UBR1: variants seen among roughly 807,000 people sequenced by gnomAD.
The protein encoded by UBR1 is ubiquitin protein ligase E3 component n-recognin 1.
A neutral mutation model predicts 242.1 loss-of-function variants in UBR1; 102 were observed. The ratio of observed to expected loss-of-function variants is 0.42; its 90% CI spans 0.36 to 0.50. UBR1 has a LOEUF of 0.50. Ranked by LOEUF, UBR1 falls within the 20% of genes least tolerant of loss-of-function variation. The pLI is 0.01. For missense variants in UBR1, 1,772 were observed against 2,101.8 expected (o/e 0.84, Z 3.07); for synonymous variants, 675 against 684.8 (o/e 0.99, Z 0.22).
At chr15:43,011,840 T>C in intron 29 of UBR1, 1 of 428,526 alleles carries the variant, frequency 2.3e-6, no homozygotes, top group South Asian at 1.7e-5. Flanking sequence ...AAGGAAAAAT[T>C]AGAAGCAACC....
chr15:43,029,278 A>G (rs765871519), intron 21 of UBR1, among the ~76,000 whole-genome samples: 1 of 152,226 alleles, frequency 6.6e-6, no homozygotes, highest in Non-Finnish European at 1.5e-5. Context: ...TTACCACAGT[A>G]TCTGTATATA....
At chr15:43,037,364 A>G (rs936163220) in intron 17 of UBR1, among the ~76,000 whole-genome samples, 5 of 151,458 alleles carry the variant, frequency 3.3e-5, no homozygotes, top group Admixed American at 2.0e-4. Flanking sequence ...AAAAAAAAAG[A>G]AAAAGGAAAA....
intron 25 of UBR1, 100 bp from the exon 26 acceptor site, chr15:43,022,901 C>T (rs1663560906): frequency 1.4e-6 from 1 of 725,514 alleles, no homozygotes; most frequent in Non-Finnish European, 2.2e-6. Flanking sequence ...CTCACTCTGT[C>T]ACCCAGGTTG....
intron 33 of UBR1, among the ~76,000 whole-genome samples, chr15:42,994,787 A>C (rs1293097946): frequency 6.6e-6 from 1 of 152,184 alleles, no homozygotes; most frequent in East Asian, 1.9e-4. Flanking sequence ...GCTTACTATT[A>C]ATACCACCAC....
intron 6 of UBR1, among the ~76,000 whole-genome samples, chr15:43,065,040 G>GA (rs1196431849): frequency 2.6e-5 from 4 of 152,162 alleles, no homozygotes; most frequent in Admixed American, 6.5e-5. Context: ...TAATTGTTGT[G>GA]AAAATCTAAC....
intron 29 of UBR1, among the ~76,000 whole-genome samples, chr15:43,008,184 G>A (rs536438627): frequency 4.6e-5 from 7 of 152,254 alleles, no homozygotes; most frequent in African/African-American, 1.4e-4. Flanking sequence ...CTGGGGCAAC[G>A]TGCTCCATGT....
rs552698480 is a variant in UBR1 at position 42,988,864 on chromosome 15, G to T, written c.3952C>A (p.Pro1318Thr). Residue 1318 changes from proline to threonine, a missense_variant, in exon 35 of 47, where the codon CCC (proline) becomes ACC (threonine). Transcript: ENST00000290650. Reference protein sequence around the residue: ...VPPDERDPRVPMLTWSTCAFT... With the variant: ...VPPDERDPRVTMLTWSTCAFT... ...GCGCAGGTGCTCCAGGTCAGCATGG[G>T]GACTCGAGGATCCCTTTCATCAGGT... is the stretch of plus-strand genomic sequence containing the variant. 1 of 1,614,094 alleles carries T rather than the reference G, an allele frequency of 6.2e-7. No individual in the cohort carries two copies. The highest frequency in any genetic ancestry group is 1.1e-5 in the South Asian group (1 of 91,074).
intron 1 of UBR1, among the ~76,000 whole-genome samples, chr15:43,099,879 TC>T (rs1287086462): frequency 2.0e-5 from 3 of 148,158 alleles, no homozygotes; most frequent in Admixed American, 1.3e-4. Flanking sequence ...AAGAGGTGCC[TC>T]TTTTTTTTTT....
At chr15:42,947,700 T>C (rs939040377) in intron 46 of UBR1, among the ~76,000 whole-genome samples, 2 of 152,106 alleles carry the variant, frequency 1.3e-5, no homozygotes, top group African/African-American at 2.4e-5. Flanking sequence ...TCAAAGAGAA[T>C]AAAATACTTA....
chr15:43,102,831 T>C (rs537043853), intron 1 of UBR1, among the ~76,000 whole-genome samples: 1 of 152,304 alleles, frequency 6.6e-6, no homozygotes, highest in South Asian at 2.1e-4. Flanking sequence ...CACTCTCTTT[T>C]CCTCTGTGTG....
At position 43,030,088 on chromosome 15, in the gene UBR1, AC is replaced by A; in HGVS notation, c.2255-21del. The A allele has an allele frequency of 6.2e-7, 1 of 1,612,116 alleles. No individual in the cohort carries two copies. The highest frequency in any genetic ancestry group is 8.5e-7 in the Non-Finnish European group (1 of 1,179,014). On this transcript the variant is annotated intron_variant, in intron 20 of 46. Transcript: ENST00000290650. The stretch of plus-strand genomic sequence containing the variant: ...GCTCACCTAGTTCAAATAATTAAAA[AC>A]AAAAAAAAAGTAGAATAATTATTTT...
Position 43,002,740 on chromosome 15 carries a change from TAC to T in UBR1, c.3510-38_3510-37del, listed in dbSNP as rs764612418. On this transcript the variant is annotated intron_variant, in intron 31 of 46. Coordinates refer to ENST00000290650, the MANE Select transcript of UBR1 (RefSeq NM_174916.3). ...ACAAAGACACAGGCCCATTCAGAAC[TAC>T]ACATGCATCTCTACATGTGTATCTC... 5.6e-6 allele frequency: 9 copies of T among 1,613,832 alleles called. No individual in the cohort carries two copies. In the African/African-American group the frequency reaches 1.2e-4, roughly 22 times the overall value.
intron 15 of UBR1, 125 bp downstream of exon 15, chr15:43,043,090 G>T (rs1454237535): frequency 2.0e-6 from 2 of 1,018,836 alleles, no homozygotes; most frequent in Non-Finnish European, 3.0e-6. Flanking sequence ...GCCCTTAACT[G>T]CAGTATCTGA....
intron 29 of UBR1, among the ~76,000 whole-genome samples, chr15:43,014,930 G>A (rs1295713049): frequency 5.4e-5 from 8 of 146,968 alleles, no homozygotes; most frequent in Admixed American, 4.7e-4. Context: ...AGGGAGGTGT[G>A]GGTCAGCCCC....
intron 37 of UBR1, among the ~76,000 whole-genome samples, chr15:42,978,737 T>C (rs566106640): frequency 3.8e-4 from 58 of 151,432 alleles, no homozygotes; most frequent in Admixed American, 8.5e-4. Flanking sequence ...CTTTTCTTTT[T>C]TTTTTTTTTT....
In UBR1 at chr15:43,024,824, C is replaced by A. The variant is rs752491531; in HGVS notation, c.2739+5G>T. 6.2e-7 allele frequency: 1 copy of A among 1,614,140 alleles called. No individual in the cohort carries two copies. The highest frequency in any genetic ancestry group is 8.5e-7 in the Non-Finnish European group (1 of 1,180,002). On this transcript the variant is annotated splice_donor_5th_base_variant and intron_variant, in intron 25 of 46. Coordinates refer to ENST00000290650, the MANE Select transcript of UBR1 (RefSeq NM_174916.3). The stretch of plus-strand genomic sequence containing the variant: ...ATGTAGAGAAAATATTTCAGGTAAA[C>A]AAACCATTTGGAGCATCCCTTCGGT...
chr15:42,950,679 G>T, intron 45 of UBR1: 1 of 356,088 alleles, frequency 2.8e-6, no homozygotes, highest in South Asian at 2.7e-5. Context: ...GGCTGGGGTT[G>T]TTTCTATTCT....
At chr15:43,085,937 AAG>A in intron 2 of UBR1, 45 bp downstream of exon 2, 1 of 1,538,920 alleles carries the variant, frequency 6.5e-7, no homozygotes. Flanking sequence ...AAAAAAAAAA[AAG>A]GATTTTAATA....
intron 42 of UBR1, among the ~76,000 whole-genome samples, chr15:42,961,902 G>A (rs567829118): frequency 2.2e-4 from 33 of 150,386 alleles, no homozygotes; most frequent in African/African-American, 7.3e-4. Flanking sequence ...CTACAGATGT[G>A]CGCCAACATG....
Sources: gnomAD v4.1 joint callset for allele counts (sites outside exome capture counted in the v4.1 genomes callset) on GRCh38, gnomAD v4.1.1 for gene constraint, MANE v1.5 for transcripts, NCBI Gene and HGNC (gene_info 2026-07-23, HGNC 2026-07-21) for gene names.